CIMIP6: variants seen among roughly 807,000 people sequenced by gnomAD.
The protein encoded by CIMIP6 is uncharacterized protein C2orf73.
chr2:54,354,299 C>G, the CIMIP6 span, among the ~76,000 whole-genome samples: 1 of 151,918 alleles, frequency 6.6e-6, no homozygotes, highest in Non-Finnish European at 1.5e-5. Context: ...CAATTATTCA[C>G]CCTTCCTTCA....
At chr2:54,359,219 T>C in the CIMIP6 span, 1 of 610,404 alleles carries the variant, frequency 1.6e-6, no homozygotes, top group Non-Finnish European at 2.9e-6. Flanking sequence ...CCACATACCA[T>C]AGTAAAATGT....
chr2:54,373,048 C>T, the CIMIP6 span, among the ~76,000 whole-genome samples: 1 of 152,132 alleles, frequency 6.6e-6, no homozygotes, highest in Non-Finnish European at 1.5e-5. Flanking sequence ...AGGCAGTGGT[C>T]TCCTACTGAC....
At chr2:54,372,117 T>G in the CIMIP6 span, among the ~76,000 whole-genome samples, 8 of 152,078 alleles carry the variant, frequency 5.3e-5, no homozygotes, top group African/African-American at 1.9e-4. Context: ...TTATAATCAT[T>G]AAAATGGGAC....
chr2:54,363,965 C>T, the CIMIP6 span, among the ~76,000 whole-genome samples: 1 of 152,216 alleles, frequency 6.6e-6, no homozygotes, highest in Non-Finnish European at 1.5e-5. Flanking sequence ...TGAGTGGTTC[C>T]TACCACAGGC....
chr2:54,339,891 T>A, the CIMIP6 span: 6 of 368,676 alleles, frequency 1.6e-5, 2 homozygotes, highest in Non-Finnish European at 2.1e-5. Flanking sequence ...CTCTGAGGAT[T>A]CTCCCTTAAT....
the CIMIP6 span, chr2:54,343,785 C>T: frequency 5.6e-6 from 9 of 1,612,654 alleles, no homozygotes; most frequent in Admixed American, 1.2e-4. Flanking sequence ...ACTCTAAGAG[C>T]ACCCAGAGGA....
the CIMIP6 span, among the ~76,000 whole-genome samples, chr2:54,357,007 ATATAAAT>A: frequency 6.6e-6 from 1 of 152,208 alleles, no homozygotes; most frequent in African/African-American, 2.4e-5. Flanking sequence ...GTGGAAAAAA[ATATAAAT>A]TATAGATAGA....
At chr2:54,360,313 CA>C in the CIMIP6 span, 8 of 1,611,420 alleles carry the variant, frequency 5.0e-6, no homozygotes, top group Admixed American at 1.7e-5. Flanking sequence ...CAGAACAGTC[CA>C]AAAAAACAGA....
At chr2:54,367,471 G>T in the CIMIP6 span, among the ~76,000 whole-genome samples, 6 of 151,504 alleles carry the variant, frequency 4.0e-5, no homozygotes, top group Admixed American at 3.3e-4. Flanking sequence ...GATTTTTTTT[G>T]AAAAAGCAAA....
chr2:54,360,304 A>T, the CIMIP6 span: 7 of 1,611,962 alleles, frequency 4.3e-6, no homozygotes, highest in South Asian at 5.5e-5. Context: ...CACGTTCATC[A>T]GAACAGTCCA....
the CIMIP6 span, among the ~76,000 whole-genome samples, chr2:54,362,314 G>T: frequency 1.3e-5 from 2 of 152,142 alleles, no homozygotes; most frequent in Non-Finnish European, 2.9e-5. Context: ...TATAATTTCA[G>T]AACTGGAGAT....
the CIMIP6 span, among the ~76,000 whole-genome samples, chr2:54,375,583 A>G: frequency 6.6e-6 from 1 of 152,212 alleles, no homozygotes; most frequent in African/African-American, 2.4e-5. Flanking sequence ...ATATGTTTTT[A>G]CTTTACAATT....
the CIMIP6 span, among the ~76,000 whole-genome samples, chr2:54,382,235 G>A: frequency 1.3e-5 from 2 of 152,054 alleles, no homozygotes; most frequent in Non-Finnish European, 2.9e-5. Flanking sequence ...TCACTATATT[G>A]TTATCAATGT....
chr2:54,348,865 C>T, the CIMIP6 span, among the ~76,000 whole-genome samples: 1 of 152,176 alleles, frequency 6.6e-6, no homozygotes, highest in Non-Finnish European at 1.5e-5. Context: ...TTATCTTGTG[C>T]CGACAATTCA....
chr2:54,358,924 T>C, the CIMIP6 span: 1 of 1,087,566 alleles, frequency 9.2e-7, no homozygotes, highest in Non-Finnish European at 1.3e-6. Flanking sequence ...ACAAATCTAA[T>C]TTTTTGTCCT....
At chr2:54,346,323 T>C in the CIMIP6 span, among the ~76,000 whole-genome samples, 1 of 152,188 alleles carries the variant, frequency 6.6e-6, no homozygotes, top group Non-Finnish European at 1.5e-5. Flanking sequence ...AGGTAATCAG[T>C]TGATACTATC....
the CIMIP6 span, among the ~76,000 whole-genome samples, chr2:54,342,972 C>G: frequency 1.3e-5 from 2 of 152,126 alleles, no homozygotes; most frequent in Non-Finnish European, 2.9e-5. Context: ...TCCAAGAAAT[C>G]AAATTGTCAT....
the CIMIP6 span, chr2:54,360,692 A>G: frequency 1.0e-6 from 1 of 996,508 alleles, no homozygotes; most frequent in Non-Finnish European, 1.4e-6. Flanking sequence ...ATGGAAAAAG[A>G]GAAAAAAGAC....
At chr2:54,335,138 A>G in the CIMIP6 span, 1 of 784,726 alleles carries the variant, frequency 1.3e-6, no homozygotes, top group Non-Finnish European at 2.0e-6. Context: ...AGTACTTATC[A>G]TAATCCAATA....
Sources: allele counts gnomAD v4.1 joint callset (sites outside exome capture counted in the v4.1 genomes callset), GRCh38; gene constraint gnomAD v4.1.1; transcripts MANE v1.5; gene names NCBI Gene and HGNC (gene_info 2026-07-23, HGNC 2026-07-21).